The following KLHL30 variants were observed in gnomAD, a reference collection of about 807,000 sequenced individuals.
KLHL30 encodes the protein kelch-like protein 30.
In KLHL30, 55 loss-of-function variants were observed where a neutral mutation model predicts 55.0. The ratio of observed to expected loss-of-function variants is 1.00; its 90% CI spans 0.80 to 1.25. The LOEUF (loss-of-function observed/expected upper bound fraction) is 1.25. KLHL30 is among the 50% of genes most tolerant of loss of function. The pLI is 0.00. For missense variants in KLHL30, 786 were observed against 811.6 expected, an observed-to-expected ratio of 0.97 and a Z score of 0.38; for synonymous variants, 356 against 372.6, an observed-to-expected ratio of 0.96 and a Z score of 0.51.
intron 6 of KLHL30, among the ~76,000 whole-genome samples, chr2:238,148,403 C>T (rs1008775221): frequency 3.3e-5 from 5 of 152,278 alleles, no homozygotes; most frequent in South Asian, 2.1e-4. Flanking sequence ...GTGGTGACCC[C>T]GACCTCCGAG....
chr2:238,145,794 C>A lies in KLHL30; in HGVS notation c.1112C>A (p.Ala371Asp), dbSNP rs753735339. 7 of 1,608,038 alleles carry A rather than the reference C, an allele frequency of 4.4e-6. No homozygotes were observed. The Admixed American group carries it at 6.7e-5, about 15-fold the overall frequency. Reference sequence around the variant, plus strand: ...ATGCTGAAGCCCCGCACCAACCACGCCAGCGCGGCCCTCAATGGGGAGATC... The same window carrying A: ...ATGCTGAAGCCCCGCACCAACCACGACAGCGCGGCCCTCAATGGGGAGATC... ...APMLKPRTNH[A>D]SAALNGEIYV... is the part of the protein sequence containing the mutation. Residue 371 changes from alanine to aspartate, a missense_variant, in exon 5 of 8, where the codon GCC (alanine) becomes GAC (aspartate). Physicochemically the swap from Ala to Asp is moderately radical, Grantham distance 126. Coordinates refer to ENST00000409223, the MANE Select transcript of KLHL30 (RefSeq NM_198582.4).
In KLHL30 at chr2:238,152,053, C is replaced by T; in HGVS notation, c.*988C>T. On this transcript the variant is annotated 3_prime_UTR_variant, in exon 8 of 8. Coordinates refer to ENST00000409223, the MANE Select transcript of KLHL30 (RefSeq NM_198582.4). Reference sequence around the variant, plus strand: ...GCTAAGGAGACAATGAAGGACTCTCCCTGGGTGCCCAATGGCGTGTCCCTC... The same window carrying T: ...GCTAAGGAGACAATGAAGGACTCTCTCTGGGTGCCCAATGGCGTGTCCCTC... The T allele has an allele frequency of 2.0e-6, 2 of 985,532 alleles. No homozygotes were observed. The highest frequency in any genetic ancestry group is 4.7e-5 in the South Asian group (1 of 21,294). 61.0% of individuals were successfully genotyped at this position (985,532 alleles called of 1,614,324 possible). A position where few individuals can be genotyped will look rare whatever the true frequency, so the allele number is the denominator to read the frequency against.
At chr2:238,140,056 C>G (rs959570966) in intron 1 of KLHL30, among the ~76,000 whole-genome samples, 20 of 152,240 alleles carry the variant, frequency 1.3e-4, no homozygotes, top group Admixed American at 5.9e-4. Context: ...AAGCCTAGCT[C>G]TGAGTTCAAA....
rs181138638 is a variant in KLHL30 at position 238,141,288 on chromosome 2, G to T, written c.534G>T (p.Arg178=). ...EDEFLQLPRE[R]LVTCLAGDLL... is the part of the protein sequence containing the mutation. ...AGTTCCTGCAGCTTCCCCGAGAGCG[G>T]CTGGTCACTTGTCTGGCCGGCGACC... is the stretch of plus-strand genomic sequence containing the variant. Residue 178 remains arginine, a synonymous_variant, in exon 2 of 8, where the codon CGG becomes CGT. Transcript: ENST00000409223. 6.5e-4 allele frequency: 1,039 copies of T among 1,600,766 alleles called. 12 individuals are homozygous for T. The African/African-American group carries it at 0.012, about 19-fold the overall frequency.
intron 1 of KLHL30, among the ~76,000 whole-genome samples, chr2:238,139,594 T>A (rs7355516): frequency 6.6e-6 from 1 of 152,146 alleles, no homozygotes; most frequent in Non-Finnish European, 1.5e-5. Context: ...CTAGCTCCCA[T>A]CGCCTGCACC....
chr2:238,139,443 G>A (rs770470247), intron 1 of KLHL30, among the ~76,000 whole-genome samples: 16 of 152,204 alleles, frequency 1.1e-4, no homozygotes, highest in African/African-American at 3.6e-4. Context: ...TGTACCGGCC[G>A]GGATGCTGGG....
At chr2:238,148,384 G>A (rs973776522) in intron 6 of KLHL30, among the ~76,000 whole-genome samples, 4 of 152,192 alleles carry the variant, frequency 2.6e-5, no homozygotes. Context: ...AGGGCCTCAC[G>A]GGCCGGGAGT....
At chr2:238,139,915 C>T (rs1038243048) in intron 1 of KLHL30, among the ~76,000 whole-genome samples, 1 of 152,238 alleles carries the variant, frequency 6.6e-6, no homozygotes, top group African/African-American at 2.4e-5. Flanking sequence ...AGCCTGAAAG[C>T]GGCCTTGCTG....
In KLHL30 at chr2:238,144,412, AAGGAAGGAAGGAAGGAAGGAAGGC is replaced by A. The variant is rs1481508487; in HGVS notation, c.908-486_908-463del. ...GAAGGAAGGAAGGAAGGAAGGAAGG[AAGGAAGGAAGGAAGGAAGGAAGGC>A]AGGCAGGCAGGCAGGCAGGCAGGCA... On this transcript the variant is annotated intron_variant, in intron 3 of 7. Transcript: ENST00000409223. 3.0e-3 allele frequency among the ~76,000 whole-genome samples: 343 copies of A among 115,170 alleles called. 1 individual carries two copies. Among genetic ancestry groups the A allele is most frequent in the East Asian group, 9.6e-3 (35 of 3,646 alleles). The allele number at this position is 115,170 out of a possible 152,430, so 75.6% of individuals were successfully genotyped here.
chr2:238,147,949 C>T lies in KLHL30; in HGVS notation c.1266C>T (p.Gly422=), dbSNP rs1344971538. The T allele has an allele frequency of 1.3e-6, 2 of 1,584,242 alleles. No individual in the cohort carries two copies. Among genetic ancestry groups the T allele is most frequent in the Non-Finnish European group, 1.7e-6 (2 of 1,166,598 alleles). The change falls in exon 6 of 8, where the codon GGC becomes GGT. Residue 422 remains glycine, a synonymous_variant. Transcript: ENST00000409223. The surrounding 1 kb of genome is among the most constrained non-coding windows in gnomAD (Gnocchi z 5.8). ...VSNFSAAGCR[G]RLYLVGSSAC... ...ACTTCTCGGCTGCCGGCTGCCGGGGCCGGCTCTACCTGGTGGGCTCCAGCG... is the reference window on the plus strand; with the variant it reads ...ACTTCTCGGCTGCCGGCTGCCGGGGTCGGCTCTACCTGGTGGGCTCCAGCG...
At chr2:238,149,522 G>T (rs1692714924) in intron 7 of KLHL30, among the ~76,000 whole-genome samples, 1 of 152,222 alleles carries the variant, frequency 6.6e-6, no homozygotes. Context: ...AGGGGTGACG[G>T]TGATGGTGGG....
In KLHL30 at chr2:238,141,025, G is replaced by A. The variant is rs766680750; in HGVS notation, c.271G>A (p.Val91Met). The A allele has an allele frequency of 1.7e-5, 27 of 1,612,428 alleles. No individual in the cohort carries two copies. Among genetic ancestry groups the A allele is most frequent in the South Asian group, 3.3e-5 (3 of 91,074 alleles). ...CGTGGTGGGACAACTGGTGGACTTC[G>A]TGTACACAGGCCGGCTGACCATCAC... The part of the protein sequence containing the change: ...PAVVGQLVDF[V>M]YTGRLTITQG... Residue 91 changes from valine to methionine, a missense_variant, in exon 2 of 8, where the codon GTG becomes ATG. Coordinates refer to ENST00000409223, the MANE Select transcript of KLHL30 (RefSeq NM_198582.4).
At position 238,152,635 on chromosome 2, in the gene KLHL30, C is replaced by G. The variant is rs866140301; in HGVS notation, c.*1570C>G. 1.3e-4 allele frequency: 20 copies of G among 152,222 alleles called. No individual in the cohort carries two copies. Among genetic ancestry groups the G allele is most frequent in the African/African-American group, 4.3e-4 (18 of 41,428 alleles). 9.4% of individuals were successfully genotyped at this position (152,222 alleles called of 1,614,324 possible). A position where few individuals can be genotyped will look rare whatever the true frequency, so the allele number is the denominator to read the frequency against. On this transcript the variant is annotated 3_prime_UTR_variant, in exon 8 of 8. Coordinates refer to ENST00000409223, the MANE Select transcript of KLHL30 (RefSeq NM_198582.4). The stretch of plus-strand genomic sequence containing the variant: ...CCGCCCGCCTCAGCCTCCCAAAGTG[C>G]TGGGATTACAAGGTGTGGGAGAAGT...
At chr2:238,150,761 G>T in intron 7 of KLHL30, 53 bp from the exon 8 acceptor site, 1 of 1,525,258 alleles carries the variant, frequency 6.6e-7, no homozygotes, top group South Asian at 1.3e-5. Context: ...GGCACCCTCA[G>T]CCCTGCTCTC....
In KLHL30 at chr2:238,149,153, G is replaced by A. The variant is rs1692703485; in HGVS notation, c.1485+1G>A. On this transcript the variant is annotated splice_donor_variant, in intron 7 of 7. Transcript: ENST00000409223. LOFTEE classifies it high-confidence loss of function. ...CCCCGGGGCCAACCTGTGGCAGAAG[G>A]TGGGCCGCCCCCTCCCCCAACATGT... 1 of 1,612,368 alleles carries A rather than the reference G, an allele frequency of 6.2e-7. No homozygotes were observed. Among genetic ancestry groups the A allele is most frequent in the Admixed American group, 1.7e-5 (1 of 59,996 alleles).
chr2:238,140,510 C>A lies in KLHL30; in HGVS notation c.-70-175C>A, dbSNP rs150862957. On this transcript the variant is annotated intron_variant, in intron 1 of 7. Coordinates refer to ENST00000409223, the MANE Select transcript of KLHL30 (RefSeq NM_198582.4). ...GCAAATGGGAATGACACCTGCCCTACCTTGCAGGGTTCTGGGGGTGGCTTG... is the reference window on the plus strand; with the variant it reads ...GCAAATGGGAATGACACCTGCCCTAACTTGCAGGGTTCTGGGGGTGGCTTG... Among the ~76,000 whole-genome samples the A allele has an allele frequency of 2.0e-5, 3 of 152,240 alleles. No homozygotes were observed. The East Asian group carries it at 5.8e-4, about 29-fold the overall frequency.
At position 238,147,845 on chromosome 2, in the gene KLHL30, G is replaced by T; in HGVS notation, c.1162G>T (p.Asp388Tyr). The stretch of plus-strand genomic sequence containing the variant: ...CCCTCACCCCACAGGCACCACCCTG[G>T]ACGTGGTGGAGGTGGAGAGCTATGA... ...EIYVIGGTTL[D>Y]VVEVESYDPY... Residue 388 changes from aspartate to tyrosine, a missense_variant, in exon 6 of 8, where the codon GAC becomes TAC. Coordinates refer to ENST00000409223, the MANE Select transcript of KLHL30 (RefSeq NM_198582.4). This position sits in a 1 kb window ranked among gnomAD's most constrained non-coding sequence, Gnocchi z 5.8. 1.3e-6 allele frequency: 2 copies of T among 1,515,700 alleles called. No individual in the cohort carries two copies. Among genetic ancestry groups the T allele is most frequent in the South Asian group, 2.6e-5 (2 of 78,294 alleles). 93.9% of individuals were successfully genotyped at this position (1,515,700 alleles called of 1,614,324 possible).
chr2:238,139,623 G>T (rs1269503079), intron 1 of KLHL30, among the ~76,000 whole-genome samples: 2 of 152,214 alleles, frequency 1.3e-5, no homozygotes, highest in African/African-American at 4.8e-5. Flanking sequence ...CACCGTGGCT[G>T]CCCGGGCCAG....
rs374267739 is a variant in KLHL30 at position 238,140,900 on chromosome 2, G to A, written c.146G>A (p.Gly49Asp). 73 of 1,610,614 alleles carry A rather than the reference G, an allele frequency of 4.5e-5. No individual in the cohort carries two copies. Among genetic ancestry groups the A allele is most frequent in the Middle Eastern group, 3.3e-4 (2 of 6,076 alleles). The change falls in exon 2 of 8, where the codon GGC (glycine) becomes GAC (aspartate). Residue 49 changes from glycine (G) to aspartate (D), a missense_variant. Physicochemically the swap from Gly to Asp is moderately conservative, Grantham distance 94. Transcript: ENST00000409223. ...GGCCGGGAGCTGCCATGCCACCGCG[G>A]CCTCCTGGCGCTCAGCAGCCCCTAC... ...VGGRELPCHR[G>D]LLALSSPYFH...
Sources: allele counts gnomAD v4.1 joint callset (sites outside exome capture counted in the v4.1 genomes callset), GRCh38; gene constraint gnomAD v4.1.1; non-coding constraint Gnocchi (gnomAD v3.1); transcripts MANE v1.5; gene names NCBI Gene and HGNC (gene_info 2026-07-23, HGNC 2026-07-21).